CRTAC1: variants seen among roughly 807,000 people sequenced by gnomAD.
CRTAC1 encodes the protein acidic secreted protein in cartilage.
A neutral mutation model predicts 67.8 loss-of-function variants in CRTAC1; 37 were observed. The observed-to-expected ratio is 0.55, with a 90% CI of 0.42 to 0.72. CRTAC1 has a LOEUF of 0.72. Ranked by LOEUF, CRTAC1 falls within the 30% of genes least tolerant of loss-of-function variation. The probability of loss-of-function intolerance (pLI) is 0.00; values close to 1 mark genes in which losing one functional copy is unlikely to be tolerated. For synonymous variants in CRTAC1, 348 were observed against 371.0 expected (o/e 0.94, Z 0.71); for missense variants, 780 against 931.6 (o/e 0.84, Z 2.12).
In CRTAC1 at chr10:98,011,057, C is replaced by T. The variant is rs1018101709; in HGVS notation, c.224+81G>A. 1.4e-5 allele frequency: 17 copies of T among 1,205,676 alleles called. No homozygotes were observed. The African/African-American group carries it at 2.4e-4, about 17-fold the overall frequency. 74.7% of individuals were successfully genotyped at this position (1,205,676 alleles called of 1,614,324 possible). ...TGAGAACGTATGTTGTTGCAAGTCA[C>T]TGGGGTTTGGAGTTGTTACACAGCC... On this transcript the variant is annotated intron_variant, in intron 2 of 14. Transcript: ENST00000370597.
intron 5 of CRTAC1, among the ~76,000 whole-genome samples, chr10:97,914,489 G>A (rs865857553): frequency 6.6e-6 from 1 of 152,320 alleles, no homozygotes; most frequent in Middle Eastern, 3.4e-3. Flanking sequence ...AGAAAACTGA[G>A]GCTGGGAGAA....
At chr10:97,909,753 C>T (rs1239937078) in intron 5 of CRTAC1, among the ~76,000 whole-genome samples, 1 of 152,154 alleles carries the variant, frequency 6.6e-6, no homozygotes, top group Non-Finnish European at 1.5e-5. Flanking sequence ...TACCTGCACT[C>T]TGAGGTTCAC....
chr10:97,993,023 A>G (rs1002596503), intron 2 of CRTAC1, among the ~76,000 whole-genome samples: 1 of 152,242 alleles, frequency 6.6e-6, no homozygotes, highest in African/African-American at 2.4e-5. Context: ...TTATAACATG[A>G]TTTGTACAAT....
intron 2 of CRTAC1, 98 bp from the exon 3 acceptor site, chr10:97,936,464 C>T: frequency 2.1e-6 from 2 of 974,194 alleles, no homozygotes; most frequent in South Asian, 3.3e-5. Context: ...CCCGGACACG[C>T]CATGGGGCAA....
At chr10:97,979,207 T>G (rs1430580471) in intron 2 of CRTAC1, among the ~76,000 whole-genome samples, 1 of 152,120 alleles carries the variant, frequency 6.6e-6, no homozygotes, top group Middle Eastern at 3.2e-3. Flanking sequence ...TTGAGTTCCG[T>G]GATAGTCAAA....
chr10:97,872,051 T>C (rs951979832), intron 14 of CRTAC1, among the ~76,000 whole-genome samples: 1 of 152,194 alleles, frequency 6.6e-6, no homozygotes, highest in African/African-American at 2.4e-5. Flanking sequence ...TCCTTTTCCC[T>C]GCTGCCCACA....
chr10:97,915,004 C>T (rs368015441), intron 5 of CRTAC1, among the ~76,000 whole-genome samples: 2 of 152,054 alleles, frequency 1.3e-5, no homozygotes, highest in Non-Finnish European at 2.9e-5. Context: ...CTCCCCTCCC[C>T]CTCCCGCAGT....
chr10:97,948,644 G>A (rs1027651407), intron 2 of CRTAC1, among the ~76,000 whole-genome samples: 107 of 152,172 alleles, frequency 7.0e-4, no homozygotes, highest in African/African-American at 2.6e-3. Context: ...GGAATTAAGA[G>A]GAAAGGAAGC....
chr10:97,923,315 A>C lies in CRTAC1; in HGVS notation c.507T>G (p.Arg169=). ...GTCCGGCAAAGAGGCTGGCCACACC[A>C]CGGGCCACGTTGACCTCATCGCTCA... ...DILSDEVNVA[R]GVASLFAGRS... is the part of the protein sequence containing the mutation. The change falls in exon 4 of 15, where the codon CGT becomes CGG. Residue 169 remains arginine (R), a synonymous_variant. Transcript: ENST00000370597. 2 of 1,614,024 alleles carry C rather than the reference A, an allele frequency of 1.2e-6. No homozygotes were observed. The highest frequency in any genetic ancestry group is 1.7e-6 in the Non-Finnish European group (2 of 1,180,006).
At chr10:97,917,786 AT>A in intron 4 of CRTAC1, 130 bp from the exon 5 acceptor site, 3 of 608,312 alleles carry the variant, frequency 4.9e-6, no homozygotes, top group Non-Finnish European at 7.7e-6. Flanking sequence ...TCTGTTGCAA[AT>A]GGCCTTGCAG....
chr10:97,973,089 G>A (rs899714178), intron 2 of CRTAC1, among the ~76,000 whole-genome samples: 5 of 152,132 alleles, frequency 3.3e-5, no homozygotes, highest in African/African-American at 1.2e-4. Context: ...ATGCCATAAT[G>A]CCAACTAATT....
rs141340220 is a variant in CRTAC1, at chr10:97,943,001, T to G, written c.225-6635A>C. ...GTGGGAGGACTGCTTGAGCACAGGA[T>G]GTCGAGACTGTGGTGAGCTGTGATC... On this transcript the variant is annotated intron_variant, in intron 2 of 14. Coordinates refer to ENST00000370597, the MANE Select transcript of CRTAC1 (RefSeq NM_018058.7). Among the ~76,000 whole-genome samples, 626 of 151,660 alleles carry G rather than the reference T, an allele frequency of 4.1e-3. 3 individuals are homozygous for G. The highest frequency in any genetic ancestry group is 0.014 in the African/African-American group (566 of 41,358).
chr10:97,963,947 G>A (rs1171694145), intron 2 of CRTAC1, among the ~76,000 whole-genome samples: 2 of 152,182 alleles, frequency 1.3e-5, no homozygotes, highest in African/African-American at 4.8e-5. Flanking sequence ...TCTGTCTCCA[G>A]GACTCATACC....
intron 14 of CRTAC1, chr10:97,867,744 G>C (rs543752962): frequency 6.6e-6 from 1 of 151,476 alleles, no homozygotes; most frequent in African/African-American, 2.4e-5. Context: ...CTTGCCCAGC[G>C]TGAAGCTCTG....
At chr10:97,941,883 T>C (rs1217327727) in intron 2 of CRTAC1, among the ~76,000 whole-genome samples, 1 of 152,190 alleles carries the variant, frequency 6.6e-6, no homozygotes, top group Non-Finnish European at 1.5e-5. Flanking sequence ...AACCCAGACC[T>C]GTGATCACTC....
chr10:97,930,388 G>C (rs1298645243), intron 3 of CRTAC1, among the ~76,000 whole-genome samples: 1 of 152,172 alleles, frequency 6.6e-6, no homozygotes, highest in East Asian at 1.9e-4. Flanking sequence ...AAATCTGGCT[G>C]GGGGATCAGG....
At chr10:97,984,827 T>C (rs192661967) in intron 2 of CRTAC1, among the ~76,000 whole-genome samples, 1 of 152,286 alleles carries the variant, frequency 6.6e-6, no homozygotes, top group African/African-American at 2.4e-5. Context: ...GGCAGGGCTA[T>C]GGGGGAGCTC....
intron 2 of CRTAC1, among the ~76,000 whole-genome samples, chr10:97,974,021 A>AT (rs1394451265): frequency 6.6e-6 from 1 of 151,760 alleles, no homozygotes; most frequent in African/African-American, 2.4e-5. Context: ...TGCCCTACAC[A>AT]TTCTCCGGTG....
chr10:97,929,878 C>T (rs565357744), intron 3 of CRTAC1, among the ~76,000 whole-genome samples: 2 of 152,300 alleles, frequency 1.3e-5, no homozygotes, highest in African/African-American at 2.4e-5. Flanking sequence ...TATAAGACTT[C>T]GTCAATGGAA....
Sources: gnomAD v4.1 joint callset for allele counts (sites outside exome capture counted in the v4.1 genomes callset) on GRCh38, gnomAD v4.1.1 for gene constraint, MANE v1.5 for transcripts, NCBI Gene and HGNC (gene_info 2026-07-23, HGNC 2026-07-21) for gene names.